Variants in NALF1 observed in about 807,000 individuals in gnomAD.
The protein encoded by NALF1 is NALCN channel auxiliary factor 1.
Under a neutral mutation model 48.4 loss-of-function variants are expected in NALF1, and 3 were observed. The observed-to-expected ratio is 0.06, with a 90% CI of 0.03 to 0.16. The LOEUF (loss-of-function observed/expected upper bound fraction) is 0.16, where lower values mean the gene tolerates loss of function less well. NALF1 is among the 10% of genes least tolerant of loss of function. The pLI is 1.00. For missense variants in NALF1, 526 were observed against 571.5 expected (o/e 0.92, Z 0.81); for synonymous variants, 262 against 245.7 (o/e 1.07, Z -0.62).
intron 1 of NALF1, among the ~76,000 whole-genome samples, chr13:107,338,911 T>A (rs1259756711): frequency 1.3e-5 from 2 of 151,996 alleles, no homozygotes; most frequent in Non-Finnish European, 2.9e-5. Context: ...GGTGGGCGGA[T>A]CACGAGGTCA....
At chr13:107,311,861 A>G (rs945287631) in intron 1 of NALF1, among the ~76,000 whole-genome samples, 1 of 152,154 alleles carries the variant, frequency 6.6e-6, no homozygotes, top group African/African-American at 2.4e-5. Context: ...GCAAATCAAA[A>G]CCACAATGAG....
chr13:107,724,160 T>G (rs1876076394), intron 1 of NALF1, among the ~76,000 whole-genome samples: 1 of 152,136 alleles, frequency 6.6e-6, no homozygotes. Context: ...GACTATTTTT[T>G]TACCCTCAAT....
intron 2 of NALF1, among the ~76,000 whole-genome samples, chr13:107,183,703 T>C (rs1879113541): frequency 6.6e-6 from 1 of 152,128 alleles, no homozygotes; most frequent in Admixed American, 6.5e-5. Context: ...GGGACATGGA[T>C]GAAGCTGGAA....
intron 1 of NALF1, among the ~76,000 whole-genome samples, chr13:107,316,490 T>C (rs1882153074): frequency 6.6e-6 from 1 of 152,238 alleles, no homozygotes; most frequent in Non-Finnish European, 1.5e-5. Flanking sequence ...TCCACAATGG[T>C]TGAACTAGTT....
intron 1 of NALF1, among the ~76,000 whole-genome samples, chr13:107,433,199 C>A (rs973457096): frequency 2.0e-5 from 3 of 151,982 alleles, no homozygotes; most frequent in Non-Finnish European, 4.4e-5. Flanking sequence ...GACCAAATGG[C>A]CATTTTGGTA....
chr13:107,787,509 C>A (rs949411614), intron 1 of NALF1, among the ~76,000 whole-genome samples: 3 of 152,152 alleles, frequency 2.0e-5, no homozygotes, highest in African/African-American at 7.2e-5. Context: ...ATCAATGACA[C>A]CAAACCTGTT....
intron 1 of NALF1, among the ~76,000 whole-genome samples, chr13:107,648,496 CTT>C (rs1175229602): frequency 1.3e-5 from 2 of 152,116 alleles, no homozygotes; most frequent in Non-Finnish European, 2.9e-5. Flanking sequence ...TTATCTGTGT[CTT>C]TTCGCAGCTT....
At chr13:107,171,774 C>A in intron 2 of NALF1, among the ~76,000 whole-genome samples, 1 of 151,460 alleles carries the variant, frequency 6.6e-6, no homozygotes, top group Non-Finnish European at 1.5e-5. Context: ...TTGACTGAAC[C>A]ATTTATCCAT....
chr13:107,465,106 CA>C (rs1414191460), intron 1 of NALF1, among the ~76,000 whole-genome samples: 1 of 151,968 alleles, frequency 6.6e-6, no homozygotes, highest in Non-Finnish European at 1.5e-5. Flanking sequence ...GCATAAAAAT[CA>C]GCAAGTCTGC....
At chr13:107,257,576 T>G (rs1393736541) in intron 1 of NALF1, among the ~76,000 whole-genome samples, 1 of 151,830 alleles carries the variant, frequency 6.6e-6, no homozygotes, top group Non-Finnish European at 1.5e-5. Flanking sequence ...CAGAGAATCA[T>G]TGAAATGGGT....
At chr13:107,334,175 C>A (rs1594124825) in intron 1 of NALF1, among the ~76,000 whole-genome samples, 2 of 152,096 alleles carry the variant, frequency 1.3e-5, no homozygotes, top group Admixed American at 6.5e-5. Flanking sequence ...TTTTGACAAA[C>A]CTTTATTAAG....
At chr13:107,542,649 CAA>C in intron 1 of NALF1, among the ~76,000 whole-genome samples, 1 of 151,972 alleles carries the variant, frequency 6.6e-6, no homozygotes, top group Non-Finnish European at 1.5e-5. Context: ...AGTCTGAGCC[CAA>C]AAGTTTCCAT....
chr13:107,655,396 C>T (rs546096497), intron 1 of NALF1, among the ~76,000 whole-genome samples: 14 of 151,952 alleles, frequency 9.2e-5, no homozygotes, highest in Non-Finnish European at 1.6e-4. Flanking sequence ...AGAATTCAAC[C>T]CCTTTCCAAA....
chr13:107,628,639 T>C (rs1002935177), intron 1 of NALF1, among the ~76,000 whole-genome samples: 1 of 152,180 alleles, frequency 6.6e-6, no homozygotes, highest in African/African-American at 2.4e-5. Context: ...TCTTAAGCAA[T>C]GCCGCCAATT....
At chr13:107,280,801 G>C (rs954646588) in intron 1 of NALF1, among the ~76,000 whole-genome samples, 2 of 152,056 alleles carry the variant, frequency 1.3e-5, no homozygotes, top group Non-Finnish European at 2.9e-5. Flanking sequence ...CTTTACCTGT[G>C]AACACTATGA....
intron 1 of NALF1, among the ~76,000 whole-genome samples, chr13:107,572,463 T>C (rs1317178466): frequency 2.0e-5 from 3 of 152,126 alleles, no homozygotes; most frequent in Non-Finnish European, 4.4e-5. Context: ...CTGTGGGAAT[T>C]GGGGCTCAAA....
At chr13:107,608,544 C>T (rs1018039306) in intron 1 of NALF1, among the ~76,000 whole-genome samples, 3 of 152,122 alleles carry the variant, frequency 2.0e-5, no homozygotes. Flanking sequence ...GGAGTTTTGC[C>T]ATGTCCAAAA....
intron 1 of NALF1, among the ~76,000 whole-genome samples, chr13:107,446,330 C>T (rs1034224073): frequency 2.6e-5 from 4 of 151,712 alleles, no homozygotes; most frequent in Admixed American, 2.6e-4. Context: ...ATTTTTTGTG[C>T]TTACACAACA....
At chr13:107,580,690 G>A (rs752178485) in intron 1 of NALF1, among the ~76,000 whole-genome samples, 11 of 152,150 alleles carry the variant, frequency 7.2e-5, no homozygotes, top group Non-Finnish European at 1.6e-4. Context: ...GCAAATAATG[G>A]ATCAAATTAA....
Sources: allele counts gnomAD v4.1 joint callset (sites outside exome capture counted in the v4.1 genomes callset), GRCh38; gene constraint gnomAD v4.1.1; transcripts MANE v1.5; gene names NCBI Gene and HGNC (gene_info 2026-07-23, HGNC 2026-07-21).